HIVEP3: variants seen among roughly 807,000 people sequenced by gnomAD.
The protein encoded by HIVEP3 is transcription factor HIVEP3.
Under a neutral mutation model 152.8 loss-of-function variants are expected in HIVEP3, and 49 were observed. The ratio of observed to expected loss-of-function variants is 0.32; its 90% confidence interval spans 0.26 to 0.41. The LOEUF is 0.41. HIVEP3 is among the 10% of genes least tolerant of loss of function. HIVEP3 has a pLI of 1.00. For synonymous variants in HIVEP3, 1,269 were observed against 1,289.0 expected (o/e 0.98, Z 0.33); for missense variants, 2,790 against 3,103.3 (o/e 0.90, Z 2.40).
intron 1 of HIVEP3, among the ~76,000 whole-genome samples, chr1:41,941,978 CCTCTAAGT>C (rs1266745801): frequency 3.3e-5 from 5 of 152,006 alleles, no homozygotes; most frequent in Non-Finnish European, 5.9e-5. Context: ...AGATCTGTCA[CCTCTAAGT>C]CTGAAAAAAT....
At chr1:41,755,357 A>C (rs1480002762) in intron 1 of HIVEP3, among the ~76,000 whole-genome samples, 1 of 152,254 alleles carries the variant, frequency 6.6e-6, no homozygotes, top group Non-Finnish European at 1.5e-5. Flanking sequence ...ACATTCAGAG[A>C]TAACACAGGA....
At chr1:42,004,376 T>C (rs906399021) in intron 1 of HIVEP3, among the ~76,000 whole-genome samples, 1 of 152,218 alleles carries the variant, frequency 6.6e-6, no homozygotes, top group Non-Finnish European at 1.5e-5. Context: ...TAATTATGTT[T>C]GCACATCCAG....
At position 41,518,405 on chromosome 1, in the gene HIVEP3, C is replaced by G; in HGVS notation, c.5467G>C (p.Glu1823Gln). ...TGVLEELEAE[E>Q]GTSDDLFQDS... Reference sequence around the variant, plus strand: ...GGAGAAGGTTGGCAATTGTTACCTTCTTCGGCTTCCAGCTCCTCCAGCACC... The same window carrying G: ...GGAGAAGGTTGGCAATTGTTACCTTGTTCGGCTTCCAGCTCCTCCAGCACC... The change falls in exon 7 of 9, where the codon GAA (glutamate) becomes CAA (glutamine). Residue 1823 changes from glutamate to glutamine, a missense_variant. By Grantham distance (29) the Glu-to-Gln change is conservative. Around this residue, in one of 9 missense-constraint regions of HIVEP3, gnomAD observed 816 missense variants for 806.5 expected, o/e 1.01. Transcript: ENST00000372583. The G allele has an allele frequency of 6.2e-7, 1 of 1,613,966 alleles. No individual in the cohort carries two copies.
intron 1 of HIVEP3, among the ~76,000 whole-genome samples, chr1:41,799,669 T>TA (rs746918868): frequency 2.0e-5 from 3 of 152,096 alleles, no homozygotes; most frequent in African/African-American, 4.8e-5. Flanking sequence ...CCTCTTTTTT[T>TA]AAAAAAAGTT....
chr1:41,545,788 C>A, intron 5 of HIVEP3, among the ~76,000 whole-genome samples: 1 of 146,334 alleles, frequency 6.8e-6, no homozygotes, highest in Non-Finnish European at 1.5e-5. Flanking sequence ...ACCACCACCA[C>A]CACCATCACC....
At chr1:41,933,280 T>G (rs1182358635) in intron 1 of HIVEP3, among the ~76,000 whole-genome samples, 1 of 152,132 alleles carries the variant, frequency 6.6e-6, no homozygotes, top group East Asian at 1.9e-4. Context: ...TCAACTGTAA[T>G]TGTGAAACTA....
At chr1:41,645,141 G>A (rs1645439782) in intron 2 of HIVEP3, among the ~76,000 whole-genome samples, 1 of 152,162 alleles carries the variant, frequency 6.6e-6, no homozygotes, top group Middle Eastern at 3.2e-3. Flanking sequence ...AGCCCCTGCT[G>A]CTATCCCAGG....
intron 1 of HIVEP3, among the ~76,000 whole-genome samples, chr1:41,899,662 T>C (rs1644589155): frequency 6.6e-6 from 1 of 152,220 alleles, no homozygotes; most frequent in South Asian, 2.1e-4. Flanking sequence ...CACTCATCCA[T>C]TATACATCAT....
At chr1:41,842,380 G>A (rs1643313197) in intron 1 of HIVEP3, among the ~76,000 whole-genome samples, 1 of 152,106 alleles carries the variant, frequency 6.6e-6, no homozygotes, top group South Asian at 2.1e-4. Context: ...AAGTCATGTG[G>A]AGCCAGGTTT....
Position 41,513,291 on chromosome 1 carries a change from C to T in HIVEP3, c.5930G>A (p.Ser1977Asn), listed in dbSNP as rs144373978. The T allele has an allele frequency of 9.3e-6, 15 of 1,612,896 alleles. No homozygotes were observed. In the Admixed American group the frequency reaches 1.3e-4, roughly 14 times the overall value. The change falls in exon 8 of 9, where the codon AGC becomes AAC. Residue 1977 changes from serine (S) to asparagine (N), a missense_variant. Physicochemically the swap from Ser to Asn is conservative, Grantham distance 46 (BLOSUM62 1). Coordinates refer to ENST00000372583, the MANE Select transcript of HIVEP3 (RefSeq NM_024503.5). ...GTGTTTGCGGGCTAGTGGTGGACGGCTGCCTGCTTCTTTGCTTGGGGACCA... is the reference window on the plus strand; with the variant it reads ...GTGTTTGCGGGCTAGTGGTGGACGGTTGCCTGCTTCTTTGCTTGGGGACCA... ...RPWSPSKEAGSRPPLARKHSL... is the reference protein window; with the variant it reads ...RPWSPSKEAGNRPPLARKHSL...
At chr1:41,951,399 T>A (rs1645106251) in intron 1 of HIVEP3, among the ~76,000 whole-genome samples, 1 of 152,310 alleles carries the variant, frequency 6.6e-6, no homozygotes, top group Non-Finnish European at 1.5e-5. Flanking sequence ...TGTTTATGTT[T>A]GATGGGTGGC....
chr1:41,600,496 C>T (rs548826754), intron 3 of HIVEP3, among the ~76,000 whole-genome samples: 1 of 152,176 alleles, frequency 6.6e-6, no homozygotes, highest in African/African-American at 2.4e-5. Flanking sequence ...ATATGAAGTA[C>T]TTAGAGTAAT....
At chr1:41,931,043 C>A (rs1644993707) in intron 1 of HIVEP3, among the ~76,000 whole-genome samples, 1 of 152,036 alleles carries the variant, frequency 6.6e-6, no homozygotes, top group Non-Finnish European at 1.5e-5. Flanking sequence ...TATATGATTG[C>A]AAATATTTTC....
intron 1 of HIVEP3, among the ~76,000 whole-genome samples, chr1:41,886,862 G>A (rs1026951464): frequency 6.6e-6 from 1 of 151,858 alleles, no homozygotes; most frequent in Non-Finnish European, 1.5e-5. Context: ...ATTCGAAAAA[G>A]AAAGTTTTCT....
chr1:41,884,763 G>A (rs1232832431), intron 1 of HIVEP3, among the ~76,000 whole-genome samples: 10 of 152,132 alleles, frequency 6.6e-5, no homozygotes, highest in Non-Finnish European at 8.8e-5. Flanking sequence ...CTGGTCTACC[G>A]TCTGTGCCTG....
At position 41,581,297 on chromosome 1, in the gene HIVEP3, G is replaced by A; in HGVS notation, c.3501C>T (p.Ala1167=). The change falls in exon 4 of 9, where the codon GCC becomes GCT. Residue 1167 remains alanine (A), a synonymous_variant. Transcript: ENST00000372583. The surrounding 1 kb of genome is among the most constrained non-coding windows in gnomAD (Gnocchi z 4.5). ...GQSPEFFSTQ[A]MSSLLSSPYS... is the part of the protein sequence containing the mutation. ...ATGGTGAGGACAGGAGGCTGGACAT[G>A]GCCTGGGTGGAGAAGAATTCTGGAG... 6.2e-7 allele frequency: 1 copy of A among 1,612,590 alleles called. No homozygotes were observed.
rs912747722 is a variant in HIVEP3, at chr1:41,506,956, G to A, written c.*3495C>T. 9 of 150,726 alleles carry A rather than the reference G, an allele frequency of 6.0e-5. No homozygotes were observed. The highest frequency in any genetic ancestry group is 2.1e-4 in the South Asian group (1 of 4,722). The allele number at this position is 150,726 out of a possible 1,614,324, so 9.3% of individuals were successfully genotyped here. A position where few individuals can be genotyped will look rare whatever the true frequency, so the allele number is the denominator to read the frequency against. On this transcript the variant is annotated 3_prime_UTR_variant, in exon 9 of 9. Coordinates refer to ENST00000372583, the MANE Select transcript of HIVEP3 (RefSeq NM_024503.5). ...ATTTATTAAAGTGACCATAAGTGCC[G>A]AAGCGGTTTTCTAATGGAAAGCAGA...
chr1:41,767,333 C>T (rs1012344157), intron 1 of HIVEP3, among the ~76,000 whole-genome samples: 1 of 152,232 alleles, frequency 6.6e-6, no homozygotes, highest in Non-Finnish European at 1.5e-5. Context: ...TACAGCTCCC[C>T]CAACCGCTAG....
intron 1 of HIVEP3, among the ~76,000 whole-genome samples, chr1:41,969,340 T>C (rs1236542603): frequency 6.6e-6 from 1 of 152,120 alleles, no homozygotes; most frequent in Non-Finnish European, 1.5e-5. Context: ...CAAAACATCA[T>C]GATACTGGTA....
Sources: allele counts gnomAD v4.1 joint callset (sites outside exome capture counted in the v4.1 genomes callset), GRCh38; gene constraint gnomAD v4.1.1; regional missense constraint gnomAD v4.1.1; non-coding constraint Gnocchi (gnomAD v3.1); transcripts MANE v1.5; gene names NCBI Gene and HGNC (gene_info 2026-07-23, HGNC 2026-07-21).